Variants in MAGI1 observed in about 807,000 individuals in gnomAD.
MAGI1 encodes the protein membrane associated guanylate kinase, WW and PDZ domain containing 1, also known as membrane-associated guanylate kinase, WW and PDZ domain-containing protein 1.
MAGI1 carries 58 observed loss-of-function variants against 139.9 expected under a neutral mutation model. The observed-to-expected ratio is 0.41, with a 90% CI of 0.34 to 0.52. The LOEUF (loss-of-function observed/expected upper bound fraction) is 0.52, where lower values mean the gene tolerates loss of function less well. Ranked by LOEUF, MAGI1 falls within the 20% of genes least tolerant of loss-of-function variation. MAGI1 has a pLI of 0.12. For synonymous variants in MAGI1, 812 were observed against 737.9 expected, an observed-to-expected ratio of 1.10 and a Z score of -1.63; for missense variants, 1,874 against 1,901.6, an observed-to-expected ratio of 0.99 and a Z score of 0.27.
chr3:65,605,816 G>A (rs1315210468), intron 2 of MAGI1, among the ~76,000 whole-genome samples: 1 of 152,076 alleles, frequency 6.6e-6, no homozygotes, highest in Non-Finnish European at 1.5e-5. Context: ...AACTGCTCTA[G>A]GAAACATCAA....
chr3:65,958,720 C>A (rs1260442513), intron 1 of MAGI1, among the ~76,000 whole-genome samples: 7 of 152,178 alleles, frequency 4.6e-5, no homozygotes, highest in African/African-American at 1.7e-4. Flanking sequence ...GGCGGGGGAG[C>A]TCAGGCCTAT....
chr3:65,922,082 C>G (rs953488875), intron 1 of MAGI1, among the ~76,000 whole-genome samples: 1 of 152,156 alleles, frequency 6.6e-6, no homozygotes, highest in African/African-American at 2.4e-5. Flanking sequence ...ATCTCCATCA[C>G]TCATTTAACC....
At chr3:65,471,219 T>G (rs993842684) in intron 4 of MAGI1, among the ~76,000 whole-genome samples, 1 of 152,168 alleles carries the variant, frequency 6.6e-6, no homozygotes, top group East Asian at 1.9e-4. Context: ...TCTTATTAAC[T>G]AGAAACATCA....
At position 65,622,075 on chromosome 3, in the gene MAGI1, G is replaced by A; in HGVS notation, c.327C>T (p.Asn109=). 1 of 1,612,980 alleles carries A rather than the reference G, an allele frequency of 6.2e-7. No individual in the cohort carries two copies. Among genetic ancestry groups the A allele is most frequent in the Non-Finnish European group, 8.5e-7 (1 of 1,179,018 alleles). The stretch of plus-strand genomic sequence containing the variant: ...GATTGAGAAAATGTCGCAGGTCCTT[G>A]TTCAGCCTTCCTCCTGCAGGAAATA... ...FKAVRQGGRL[N]KDLRHFLNQR... is the part of the protein sequence containing the mutation. The change falls in exon 2 of 23, where the codon AAC becomes AAT. Residue 109 remains asparagine, a synonymous_variant. Transcript: ENST00000402939.
At chr3:65,838,018 T>C (rs1474285648) in intron 1 of MAGI1, among the ~76,000 whole-genome samples, 2 of 152,232 alleles carry the variant, frequency 1.3e-5, no homozygotes, top group African/African-American at 4.8e-5. Flanking sequence ...ATAACCGTAG[T>C]ACAACTTCAA....
At position 65,572,001 on chromosome 3, in the gene MAGI1, T is replaced by C. The variant is rs762424742; in HGVS notation, c.430+49971A>G. ...GGTGGAGATAAAAAATAAGCATATA[T>C]GCACAAATTAGAAAAAAGTATACAG... On this transcript the variant is annotated intron_variant, in intron 2 of 22. Transcript: ENST00000402939. Among the ~76,000 whole-genome samples, 71 of 151,976 alleles carry C rather than the reference T, an allele frequency of 4.7e-4. 1 individual carries two copies. The highest frequency in any genetic ancestry group is 8.4e-4 in the Non-Finnish European group (57 of 67,962).
chr3:65,432,367 C>T (rs1947518812), intron 10 of MAGI1, among the ~76,000 whole-genome samples: 1 of 152,154 alleles, frequency 6.6e-6, no homozygotes, highest in Non-Finnish European at 1.5e-5. Flanking sequence ...GTCCCCTACA[C>T]CCCTGTACTA....
intron 1 of MAGI1, among the ~76,000 whole-genome samples, chr3:65,861,198 G>A (rs2059544711): frequency 6.6e-6 from 1 of 152,210 alleles, no homozygotes. Context: ...TTCCTTAACA[G>A]AAGTCACAAA....
chr3:65,447,544 C>T (rs756134445), intron 7 of MAGI1, among the ~76,000 whole-genome samples: 1 of 152,190 alleles, frequency 6.6e-6, no homozygotes, highest in South Asian at 2.1e-4. Context: ...TTCAATTCCT[C>T]AGTGACCTTC....
intron 20 of MAGI1, among the ~76,000 whole-genome samples, chr3:65,363,890 C>T (rs1403116128): frequency 2.0e-5 from 3 of 152,142 alleles, no homozygotes; most frequent in Admixed American, 1.3e-4. Context: ...TTCCTCATTA[C>T]ATGATACCAG....
chr3:65,592,948 T>G (rs374128368), intron 2 of MAGI1, among the ~76,000 whole-genome samples: 11 of 152,152 alleles, frequency 7.2e-5, no homozygotes, highest in African/African-American at 2.2e-4. Context: ...GGGCAGGGGG[T>G]TTTTATATTT....
At chr3:65,990,269 G>A (rs2066101930) in intron 1 of MAGI1, among the ~76,000 whole-genome samples, 1 of 152,156 alleles carries the variant, frequency 6.6e-6, no homozygotes, top group Admixed American at 6.5e-5. Context: ...ATACCAGGCA[G>A]GTTCTCGGTC....
intron 5 of MAGI1, among the ~76,000 whole-genome samples, chr3:65,456,480 TC>T (rs1180034401): frequency 2.6e-5 from 4 of 152,130 alleles, no homozygotes; most frequent in African/African-American, 9.7e-5. Context: ...CTGTAGTTTG[TC>T]CTTTCATCCT....
intron 1 of MAGI1, among the ~76,000 whole-genome samples, chr3:65,732,571 C>T (rs957043496): frequency 1.3e-5 from 2 of 152,202 alleles, no homozygotes; most frequent in Non-Finnish European, 2.9e-5. Context: ...CTGCTAATCA[C>T]AGCGCGGCAC....
In MAGI1 at chr3:65,695,430, G is replaced by A. The variant is rs539615244; in HGVS notation, c.314-73342C>T. On this transcript the variant is annotated intron_variant, in intron 1 of 22. Coordinates refer to ENST00000402939, the MANE Select transcript of MAGI1 (RefSeq NM_001033057.2). Reference sequence around the variant, plus strand: ...CAGAAGGAGGTCCTGGATATCCTCCGCTTCAGTCCTCCTAGCTCCAGGGAC... The same window carrying A: ...CAGAAGGAGGTCCTGGATATCCTCCACTTCAGTCCTCCTAGCTCCAGGGAC... 5.3e-5 allele frequency among the ~76,000 whole-genome samples: 8 copies of A among 152,270 alleles called. No homozygotes were observed. In the East Asian group the frequency reaches 7.7e-4, roughly 15 times the overall value.
At chr3:65,701,243 A>C (rs1322541394) in intron 1 of MAGI1, among the ~76,000 whole-genome samples, 1 of 152,226 alleles carries the variant, frequency 6.6e-6, no homozygotes, top group Non-Finnish European at 1.5e-5. Context: ...GAAAAGCTCT[A>C]ACTTGATTCC....
At chr3:65,803,937 G>C (rs1034128633) in intron 1 of MAGI1, among the ~76,000 whole-genome samples, 2 of 152,152 alleles carry the variant, frequency 1.3e-5, no homozygotes, top group African/African-American at 4.8e-5. Context: ...TAACACGAGT[G>C]CTTCAACAAA....
chr3:65,579,926 T>C (rs1205027339), intron 2 of MAGI1, among the ~76,000 whole-genome samples: 1 of 152,112 alleles, frequency 6.6e-6, no homozygotes, highest in Non-Finnish European at 1.5e-5. Context: ...CTGGCACTCT[T>C]TTTTCATTAA....
rs191786999 is a variant in MAGI1, at chr3:65,959,993, G to A, written c.313+78003C>T. Among the ~76,000 whole-genome samples, 706 of 151,316 alleles carry A rather than the reference G, an allele frequency of 4.7e-3. 7 individuals are homozygous for A. The highest frequency in any genetic ancestry group is 0.016 in the African/African-American group (666 of 41,246). On this transcript the variant is annotated intron_variant, in intron 1 of 22. Coordinates refer to ENST00000402939, the MANE Select transcript of MAGI1 (RefSeq NM_001033057.2). ...GCTAATTTTTTTGTATTTTTTAGTA[G>A]AGACAGGGTTTTACCGTGTTAGCCA...
Sources: allele counts gnomAD v4.1 joint callset (sites outside exome capture counted in the v4.1 genomes callset), GRCh38; gene constraint gnomAD v4.1.1; transcripts MANE v1.5; gene names NCBI Gene and HGNC (gene_info 2026-07-23, HGNC 2026-07-21).